The following FOXN3 variants were observed in gnomAD, a reference collection of about 807,000 sequenced individuals.
FOXN3 encodes forkhead box N3, also known as forkhead box protein N3.
Under a neutral mutation model 38.4 loss-of-function variants are expected in FOXN3, and 7 were observed. The ratio of observed to expected loss-of-function variants is 0.18; its 90% CI spans 0.10 to 0.34. The LOEUF is 0.34. Among genes scored for constraint, FOXN3 ranks in the 10% least tolerant of loss-of-function variants. FOXN3 has a pLI of 1.00. For synonymous variants in FOXN3, 230 were observed against 242.2 expected (o/e 0.95, Z 0.47); for missense variants, 456 against 613.4 (o/e 0.74, Z 2.71).
intron 1 of FOXN3, among the ~76,000 whole-genome samples, chr14:89,458,183 C>A (rs941159351): frequency 1.3e-5 from 2 of 152,132 alleles, no homozygotes; most frequent in African/African-American, 2.4e-5. Context: ...TGGCTCCCAG[C>A]ACTTCTCCAC....
At chr14:89,233,753 C>T (rs901874076) in intron 4 of FOXN3, among the ~76,000 whole-genome samples, 2 of 152,216 alleles carry the variant, frequency 1.3e-5, no homozygotes, top group East Asian at 1.9e-4. Context: ...AGTTCTGATT[C>T]TGCTACTAGC....
intron 1 of FOXN3, among the ~76,000 whole-genome samples, chr14:89,477,667 G>A (rs1343048733): frequency 6.6e-6 from 1 of 152,186 alleles, no homozygotes; most frequent in Admixed American, 6.5e-5. Context: ...TGACTGGGCT[G>A]AAGGGAACCA....
intron 2 of FOXN3, among the ~76,000 whole-genome samples, chr14:89,380,197 G>T (rs886168929): frequency 6.6e-6 from 1 of 152,160 alleles, no homozygotes; most frequent in Admixed American, 6.5e-5. Flanking sequence ...TGTCTCACAA[G>T]ATCTGACAGT....
chr14:89,262,156 T>C (rs1311099746), intron 4 of FOXN3, among the ~76,000 whole-genome samples: 1 of 152,046 alleles, frequency 6.6e-6, no homozygotes, highest in Non-Finnish European at 1.5e-5. Flanking sequence ...TATTCCAATT[T>C]GATGGCTGGA....
intron 2 of FOXN3, among the ~76,000 whole-genome samples, chr14:89,404,504 C>CA (rs71130075): frequency 0.045 from 2,744 of 61,004 alleles, 461 homozygotes; most frequent in Non-Finnish European, 0.057. Flanking sequence ...GACTCTGTCT[C>CA]AAAAAAAAAA....
intron 4 of FOXN3, among the ~76,000 whole-genome samples, chr14:89,186,188 G>A (rs1433639473): frequency 2.0e-5 from 3 of 152,144 alleles, no homozygotes; most frequent in Admixed American, 6.5e-5. Flanking sequence ...CACTGGGGAG[G>A]GGGCTGGCAC....
intron 3 of FOXN3, among the ~76,000 whole-genome samples, chr14:89,329,628 C>T (rs1288825739): frequency 6.6e-6 from 1 of 151,974 alleles, no homozygotes; most frequent in Non-Finnish European, 1.5e-5. Flanking sequence ...GAGGCCGAGG[C>T]GGGCGGATCA....
At chr14:89,544,376 C>CA (rs1894846533) in intron 1 of FOXN3, among the ~76,000 whole-genome samples, 1 of 151,900 alleles carries the variant, frequency 6.6e-6, no homozygotes, top group African/African-American at 2.4e-5. Context: ...CTCTGTCTCC[C>CA]AAGCTGGAAT....
At chr14:89,552,655 T>C (rs2139865245) in intron 1 of FOXN3, among the ~76,000 whole-genome samples, 1 of 142,358 alleles carries the variant, frequency 7.0e-6, no homozygotes, top group East Asian at 1.9e-4. Context: ...GGTTGGGAGT[T>C]TGAGACCAGC....
intron 5 of FOXN3, among the ~76,000 whole-genome samples, chr14:89,175,107 T>C (rs1269085439): frequency 6.6e-6 from 1 of 152,204 alleles, no homozygotes; most frequent in Non-Finnish European, 1.5e-5. Flanking sequence ...GGCTGAGAGA[T>C]GGGTTTTCCC....
chr14:89,603,812 G>A (rs1211804802), intron 1 of FOXN3, among the ~76,000 whole-genome samples: 1 of 152,138 alleles, frequency 6.6e-6, no homozygotes, highest in African/African-American at 2.4e-5. Flanking sequence ...CTGAGCTTCT[G>A]TTTTTACAAC....
intron 4 of FOXN3, among the ~76,000 whole-genome samples, chr14:89,240,174 G>A (rs1371442576): frequency 1.3e-5 from 2 of 152,018 alleles, no homozygotes; most frequent in Non-Finnish European, 2.9e-5. Context: ...ACACACGATG[G>A]GTCTCAGCAA....
At chr14:89,289,341 T>C (rs1208926280) in intron 3 of FOXN3, among the ~76,000 whole-genome samples, 2 of 152,176 alleles carry the variant, frequency 1.3e-5, no homozygotes, top group Non-Finnish European at 2.9e-5. Flanking sequence ...TTGCGACTGG[T>C]TAGCAAGTCT....
chr14:89,293,949 C>A (rs796923676), intron 3 of FOXN3, among the ~76,000 whole-genome samples: 32 of 152,122 alleles, frequency 2.1e-4, no homozygotes, highest in African/African-American at 7.5e-4. Flanking sequence ...CAGCATTCCG[C>A]AAAGAACAAA....
chr14:89,291,382 C>T, intron 3 of FOXN3: 2 of 597,050 alleles, frequency 3.3e-6, no homozygotes, highest in East Asian at 4.3e-5. Context: ...CATAAGTCTC[C>T]ATGTCACCAG....
intron 4 of FOXN3, among the ~76,000 whole-genome samples, chr14:89,224,381 G>GTGAACACC (rs1884565121): frequency 6.6e-6 from 1 of 152,184 alleles, no homozygotes; most frequent in Non-Finnish European, 1.5e-5. Flanking sequence ...AATGAGATCT[G>GTGAACACC]TGAACACCTG....
intron 2 of FOXN3, among the ~76,000 whole-genome samples, chr14:89,384,189 C>T (rs529139174): frequency 6.6e-6 from 1 of 152,352 alleles, no homozygotes; most frequent in South Asian, 2.1e-4. Context: ...GAGAATGGTG[C>T]TCACAGAAGC....
chr14:89,279,158 T>C (rs986140399), intron 4 of FOXN3, among the ~76,000 whole-genome samples: 1 of 152,224 alleles, frequency 6.6e-6, no homozygotes, highest in African/African-American at 2.4e-5. Context: ...AAGATTCTTC[T>C]GATTTTCAAA....
Position 89,159,359 on chromosome 14 carries a change from G to A in FOXN3, c.*3055C>T, listed in dbSNP as rs941623440. ...AATAGGAAGAAGTACCCTCACTAAA[G>A]GTTCCCCGACAAGTCTTCCGGCAGA... On this transcript the variant is annotated 3_prime_UTR_variant, in exon 6 of 6. Coordinates refer to ENST00000557258, the MANE Select transcript of FOXN3 (RefSeq NM_005197.4). 2 of 152,586 alleles carry A rather than the reference G, an allele frequency of 1.3e-5. No homozygotes were observed. The highest frequency in any genetic ancestry group is 4.8e-5 in the African/African-American group (2 of 41,424). 9.5% of individuals were successfully genotyped at this position (152,586 alleles called of 1,614,324 possible). A position where few individuals can be genotyped will look rare whatever the true frequency, so the allele number is the denominator to read the frequency against.
Sources: allele counts gnomAD v4.1 joint callset (sites outside exome capture counted in the v4.1 genomes callset), GRCh38; gene constraint gnomAD v4.1.1; transcripts MANE v1.5; gene names NCBI Gene and HGNC (gene_info 2026-07-23, HGNC 2026-07-21).